ATP5F1C: variants seen among roughly 807,000 people sequenced by gnomAD.
ATP5F1C encodes ATP synthase F1 subunit gamma.
ATP5F1C carries 22 observed loss-of-function variants against 37.4 expected under a neutral mutation model. The observed-to-expected ratio is 0.59, with a 90% CI of 0.42 to 0.84. The LOEUF (loss-of-function observed/expected upper bound fraction) is 0.84. ATP5F1C is among the 40% of genes least tolerant of loss of function. The pLI is 0.00. For synonymous variants in ATP5F1C, 121 were observed against 128.0 expected, an observed-to-expected ratio of 0.95 and a Z score of 0.37; for missense variants, 286 against 362.4, an observed-to-expected ratio of 0.79 and a Z score of 1.71.
At chr10:7,805,766 A>G (rs980607674) in intron 8 of ATP5F1C, among the ~76,000 whole-genome samples, 14 of 150,998 alleles carry the variant, frequency 9.3e-5, no homozygotes, top group East Asian at 3.9e-4. Flanking sequence ...AAAAAAAAAA[A>G]AAAGAAATGC....
chr10:7,798,958 T>A (rs912537586), intron 3 of ATP5F1C, 32 bp from the exon 4 acceptor site: 1 of 1,586,880 alleles, frequency 6.3e-7, no homozygotes, highest in Admixed American at 1.7e-5. Context: ...GTATTGCATA[T>A]AAAAAAATTA....
intron 3 of ATP5F1C, 42 bp from the exon 4 acceptor site, chr10:7,798,948 G>T: frequency 6.6e-7 from 1 of 1,526,142 alleles, no homozygotes; most frequent in Non-Finnish European, 9.0e-7. Flanking sequence ...TGTATTTAGT[G>T]TATTGCATAT....
At chr10:7,794,001 A>T (rs529795194) in intron 1 of ATP5F1C, among the ~76,000 whole-genome samples, 1 of 152,168 alleles carries the variant, frequency 6.6e-6, no homozygotes, top group Non-Finnish European at 1.5e-5. Context: ...TGGCCTTCCT[A>T]TATAACCTTG....
chr10:7,802,511 A>G lies in ATP5F1C; in HGVS notation c.793+86A>G, dbSNP rs1359280949. On this transcript the variant is annotated intron_variant, in intron 7 of 9. Transcript: ENST00000356708. ...CTGAGAGGAGTCCGTGGCCGAGAGT[A>G]GCATCAACAACATTAACATGATATT... 4.8e-6 allele frequency: 7 copies of G among 1,452,488 alleles called. No homozygotes were observed. In the African/African-American group the frequency reaches 9.9e-5, roughly 21 times the overall value. 90.0% of individuals were successfully genotyped at this position (1,452,488 alleles called of 1,614,324 possible). A position where few individuals can be genotyped will look rare whatever the true frequency, so the allele number is the denominator to read the frequency against.
chr10:7,793,587 C>A (rs1836194951), intron 1 of ATP5F1C, among the ~76,000 whole-genome samples: 1 of 152,142 alleles, frequency 6.6e-6, no homozygotes, highest in South Asian at 2.1e-4. Context: ...TTTTCATTCT[C>A]TTCACAGTAT....
rs199901078 is a variant in ATP5F1C at position 7,797,148 on chromosome 10, C to T, written c.193C>T (p.Pro65Ser). Residue 65 changes from proline to serine, a missense_variant, in exon 3 of 10, where the codon CCA (proline) becomes TCA (serine). By Grantham distance (74) the Pro-to-Ser change is moderately conservative. Coordinates refer to ENST00000356708, the MANE Select transcript of ATP5F1C (RefSeq NM_001001973.3). ...KYARAERELK[P>S]ARIYGLGSLA... ...TGCCCGAGCTGAGAGAGAGCTGAAA[C>T]CAGCTCGAATATATGGATTGGGATC... The T allele has an allele frequency of 2.6e-4, 422 of 1,613,930 alleles. No homozygotes were observed. The highest frequency in any genetic ancestry group is 3.3e-4 in the Non-Finnish European group (390 of 1,180,008).
At chr10:7,804,690 T>G (rs1836440107) in intron 8 of ATP5F1C, among the ~76,000 whole-genome samples, 1 of 152,222 alleles carries the variant, frequency 6.6e-6, no homozygotes, top group Admixed American at 6.5e-5. Context: ...TCCTCGAGGC[T>G]AGGATGGGAC....
At chr10:7,793,950 AGT>A (rs1437009232) in intron 1 of ATP5F1C, among the ~76,000 whole-genome samples, 1 of 152,226 alleles carries the variant, frequency 6.6e-6, no homozygotes, top group African/African-American at 2.4e-5. Flanking sequence ...AACGTCAGGT[AGT>A]GTCAGTCCTG....
At chr10:7,791,645 C>T (rs1836166481) in intron 1 of ATP5F1C, among the ~76,000 whole-genome samples, 1 of 152,278 alleles carries the variant, frequency 6.6e-6, no homozygotes, top group African/African-American at 2.4e-5. Flanking sequence ...TTCTTAGTCT[C>T]CCGAGGATCT....
intron 3 of ATP5F1C, among the ~76,000 whole-genome samples, chr10:7,798,224 TTTTG>T (rs1247177190): frequency 3.3e-5 from 5 of 151,948 alleles, no homozygotes; most frequent in African/African-American, 7.3e-5. Flanking sequence ...TGTTGTTGTT[TTTTG>T]TTTGTTTTCT....
Position 7,802,874 on chromosome 10 carries a change from C to T in ATP5F1C, c.890+20C>T, listed in dbSNP as rs367988093. On this transcript the variant is annotated intron_variant, in intron 8 of 9. Transcript: ENST00000356708. ...AGCTCTGTGAGTAATTGTAGATTGT[C>T]GCCTTCAGAGAATTTTTTTTCCTCT... 68 of 1,599,644 alleles carry T rather than the reference C, an allele frequency of 4.3e-5. No individual in the cohort carries two copies. The African/African-American group carries it at 4.3e-4, about 10-fold the overall frequency.
intron 8 of ATP5F1C, chr10:7,804,088 C>T (rs114338789): frequency 5.8e-6 from 3 of 518,816 alleles, no homozygotes; most frequent in African/African-American, 3.9e-5. Context: ...GAAGTCACAG[C>T]AGAACAGAGG....
Position 7,803,057 on chromosome 10 carries a change from C to T in ATP5F1C, c.890+203C>T, listed in dbSNP as rs923258943. On this transcript the variant is annotated intron_variant, in intron 8 of 9. Transcript: ENST00000356708. ...TTTTATTGTTTCAGCTGGAAACACTCGGGCTTAGTTTTCGGTTTTCTAAAG... is the reference window on the plus strand; with the variant it reads ...TTTTATTGTTTCAGCTGGAAACACTTGGGCTTAGTTTTCGGTTTTCTAAAG... Among the ~76,000 whole-genome samples, 24 of 152,182 alleles carry T rather than the reference C, an allele frequency of 1.6e-4. No homozygotes were observed. In the East Asian group the frequency reaches 3.7e-3, roughly 23 times the overall value.
intron 6 of ATP5F1C, among the ~76,000 whole-genome samples, chr10:7,801,982 A>G (rs1836375207): frequency 6.6e-6 from 1 of 152,234 alleles, no homozygotes; most frequent in Non-Finnish European, 1.5e-5. Flanking sequence ...AGAGGGCTTC[A>G]TAACCACGAG....
At chr10:7,801,497 C>G (rs568530208) in intron 6 of ATP5F1C, 52 of 152,272 alleles carry the variant, frequency 3.4e-4, no homozygotes, top group African/African-American at 1.3e-3. Flanking sequence ...AAGGTTTTCC[C>G]TCTCTCATTT....
chr10:7,789,187 G>C (rs74123626), intron 1 of ATP5F1C, among the ~76,000 whole-genome samples: 216 of 152,228 alleles, frequency 1.4e-3, no homozygotes, highest in African/African-American at 4.8e-3. Flanking sequence ...AAGAATTCCA[G>C]ACACGCTGCT....
chr10:7,797,935 TTTGA>T (rs1317121491), intron 3 of ATP5F1C, among the ~76,000 whole-genome samples: 1 of 152,214 alleles, frequency 6.6e-6, no homozygotes, highest in Non-Finnish European at 1.5e-5. Context: ...TTTATACTTG[TTTGA>T]TTATGAATTC....
At chr10:7,796,941 T>C in intron 2 of ATP5F1C, 106 bp from the exon 3 acceptor site, 2 of 1,250,054 alleles carry the variant, frequency 1.6e-6, no homozygotes, top group Admixed American at 2.4e-5. Flanking sequence ...ATTGTTTATC[T>C]AAGCGCTCAT....
Position 7,803,586 on chromosome 10 carries a change from C to T in ATP5F1C, c.890+732C>T, listed in dbSNP as rs371245714. Among the ~76,000 whole-genome samples the T allele has an allele frequency of 6.6e-5, 10 of 152,182 alleles. No homozygotes were observed. The East Asian group carries it at 1.2e-3, about 18-fold the overall frequency. On this transcript the variant is annotated intron_variant, in intron 8 of 9. Transcript: ENST00000356708. ...ATGGATACTGAGGGCCAACTATATA[C>T]TGCTTTCCTCAAGAAAATTTCTTAG...
Sources: gnomAD v4.1 joint callset for allele counts (sites outside exome capture counted in the v4.1 genomes callset) on GRCh38, gnomAD v4.1.1 for gene constraint, MANE v1.5 for transcripts, NCBI Gene and HGNC (gene_info 2026-07-23, HGNC 2026-07-21) for gene names.